The following MSI2 variants were observed in gnomAD, a reference collection of about 807,000 sequenced individuals.
The protein encoded by MSI2 is musashi RNA binding protein 2.
Under a neutral mutation model 45.6 loss-of-function variants are expected in MSI2, and 17 were observed. The ratio of observed to expected loss-of-function variants is 0.37; its 90% confidence interval spans 0.26 to 0.56. The LOEUF (loss-of-function observed/expected upper bound fraction) is 0.56, where lower values mean the gene tolerates loss of function less well. MSI2 is among the 20% of genes least tolerant of loss of function. MSI2 has a pLI of 0.77. For synonymous variants in MSI2, 156 were observed against 158.2 expected, an observed-to-expected ratio of 0.99 and a Z score of 0.11; for missense variants, 293 against 444.2, an observed-to-expected ratio of 0.66 and a Z score of 3.06.
chr17:57,340,718 G>A (rs1915067338), intron 5 of MSI2, among the ~76,000 whole-genome samples: 2 of 152,204 alleles, frequency 1.3e-5, no homozygotes, highest in African/African-American at 2.4e-5. Context: ...TCTTGATTGG[G>A]ATAGAGATTG....
chr17:57,604,198 T>C (rs1271400223), intron 8 of MSI2, among the ~76,000 whole-genome samples: 2 of 152,196 alleles, frequency 1.3e-5, no homozygotes, highest in Admixed American at 1.3e-4. Flanking sequence ...ATAAAACAGG[T>C]TGTGGTAGTG....
chr17:57,500,049 C>T (rs188472323), intron 6 of MSI2, among the ~76,000 whole-genome samples: 146 of 152,086 alleles, frequency 9.6e-4, no homozygotes, highest in Non-Finnish European at 1.6e-3. Flanking sequence ...GGATTGGAGG[C>T]GTATTGAGGT....
chr17:57,700,173 G>T, the MSI2 span, among the ~76,000 whole-genome samples: 1 of 152,188 alleles, frequency 6.6e-6, no homozygotes, highest in African/African-American at 2.4e-5. Flanking sequence ...TCCCAGATGT[G>T]CCTGTGTGTT....
intron 6 of MSI2, among the ~76,000 whole-genome samples, chr17:57,468,501 A>C: frequency 6.8e-6 from 1 of 146,708 alleles, no homozygotes. Flanking sequence ...AGCCTGGGCA[A>C]CAGAGCGAGA....
At chr17:57,632,128 C>T (rs1246004920) in intron 10 of MSI2, 10 of 1,222,858 alleles carry the variant, frequency 8.2e-6, no homozygotes, top group African/African-American at 6.2e-5. Context: ...TCACAAACTT[C>T]GTAGAGCCTC....
intron 6 of MSI2, among the ~76,000 whole-genome samples, chr17:57,450,761 C>T (rs1199837611): frequency 2.0e-5 from 3 of 151,462 alleles, no homozygotes; most frequent in African/African-American, 7.3e-5. Context: ...TGCTGGCCAC[C>T]ACCCTTGATC....
At chr17:57,645,441 G>GT (rs556203302) in intron 10 of MSI2, among the ~76,000 whole-genome samples, 2,881 of 148,924 alleles carry the variant, frequency 0.019, 55 homozygotes, top group South Asian at 0.065. Flanking sequence ...TTGTTTTTTG[G>GT]TTTTTTTTTT....
At chr17:57,644,155 A>C (rs916486884) in intron 10 of MSI2, among the ~76,000 whole-genome samples, 8 of 151,942 alleles carry the variant, frequency 5.3e-5, no homozygotes, top group Non-Finnish European at 1.0e-4. Flanking sequence ...GCTTTCTCCC[A>C]AAAAATATGT....
At chr17:57,628,650 G>A (rs1909040787) in intron 10 of MSI2, 1 of 152,652 alleles carries the variant, frequency 6.6e-6, no homozygotes. Flanking sequence ...GTGGGTCAGA[G>A]GGTGCAGGGA....
intron 6 of MSI2, among the ~76,000 whole-genome samples, chr17:57,422,556 A>G (rs2084415156): frequency 6.6e-6 from 1 of 152,204 alleles, no homozygotes; most frequent in African/African-American, 2.4e-5. Context: ...CCGGGACAGG[A>G]AAGTACATGC....
At chr17:57,346,336 A>C (rs2143816557) in intron 5 of MSI2, among the ~76,000 whole-genome samples, 1 of 133,664 alleles carries the variant, frequency 7.5e-6, no homozygotes, top group Non-Finnish European at 1.6e-5. Flanking sequence ...GAGACATGTA[A>C]ATAACACATT....
intron 7 of MSI2, among the ~76,000 whole-genome samples, chr17:57,539,257 G>A (rs977795660): frequency 2.7e-5 from 4 of 149,992 alleles, no homozygotes; most frequent in Middle Eastern, 3.4e-3. Flanking sequence ...ATCTTGGCTC[G>A]CTGCAATACT....
intron 5 of MSI2, among the ~76,000 whole-genome samples, chr17:57,305,932 C>T (rs547643857): frequency 2.6e-5 from 4 of 152,150 alleles, no homozygotes; most frequent in African/African-American, 9.7e-5. Context: ...GTGTAATGCC[C>T]ATACTTTATT....
intron 11 of MSI2, among the ~76,000 whole-genome samples, chr17:57,667,073 A>T (rs1457256390): frequency 1.3e-5 from 2 of 152,256 alleles, no homozygotes; most frequent in South Asian, 4.1e-4. Context: ...ATCACCCAAC[A>T]GGGGCCACCT....
intron 7 of MSI2, among the ~76,000 whole-genome samples, chr17:57,559,919 C>A (rs1418481985): frequency 6.6e-6 from 1 of 152,240 alleles, no homozygotes; most frequent in Non-Finnish European, 1.5e-5. Context: ...TGGGCCGGGC[C>A]ACCTGTGCAG....
rs1025926168 is a variant in MSI2 at position 57,332,807 on chromosome 17, C to T, written c.313-68572C>T. ...TTGGGAGGCCAAGGCGGGTGGATCA[C>T]GAGGTCAAGAGATCAAGACCATCCT... On this transcript the variant is annotated intron_variant, in intron 5 of 13. Coordinates refer to ENST00000284073, the MANE Select transcript of MSI2 (RefSeq NM_138962.4). Among the ~76,000 whole-genome samples, 7 of 152,200 alleles carry T rather than the reference C, an allele frequency of 4.6e-5. No individual in the cohort carries two copies. The South Asian group carries it at 6.2e-4, about 14-fold the overall frequency.
intron 5 of MSI2, among the ~76,000 whole-genome samples, chr17:57,400,247 CT>C (rs11366722): frequency 0.97 from 141,239 of 145,224 alleles, 68,707 homozygotes; most frequent in Middle Eastern, 1. Context: ...TGTCATTCTC[CT>C]TTTTTTTTTT....
chr17:57,277,052 T>A (rs1176269617), intron 5 of MSI2, among the ~76,000 whole-genome samples: 1 of 141,680 alleles, frequency 7.1e-6, no homozygotes, highest in Non-Finnish European at 1.5e-5. Context: ...GGTTTTCTTT[T>A]CTTTTTTTTT....
At chr17:57,536,273 A>T (rs2086917744) in intron 7 of MSI2, among the ~76,000 whole-genome samples, 1 of 152,244 alleles carries the variant, frequency 6.6e-6, no homozygotes, top group Non-Finnish European at 1.5e-5. Flanking sequence ...GGACTGTATA[A>T]GCTGTACATG....
Sources: allele counts gnomAD v4.1 joint callset (sites outside exome capture counted in the v4.1 genomes callset), GRCh38; gene constraint gnomAD v4.1.1; transcripts MANE v1.5; gene names NCBI Gene and HGNC (gene_info 2026-07-23, HGNC 2026-07-21).